The following CDH13 variants were observed in gnomAD, a reference collection of about 807,000 sequenced individuals.
The protein encoded by CDH13 is cadherin 13.
CDH13 carries 24 observed loss-of-function variants against 63.8 expected under a neutral mutation model. That is an observed-to-expected ratio of 0.38 (90% confidence interval 0.27 to 0.53). The LOEUF (loss-of-function observed/expected upper bound fraction) is 0.53. Ranked by LOEUF, CDH13 falls within the 20% of genes least tolerant of loss-of-function variation. CDH13 has a pLI of 0.85. For missense variants in CDH13, 1,049 were observed against 903.1 expected (o/e 1.16, Z -2.07); for synonymous variants, 503 against 355.3 (o/e 1.42, Z -4.67).
chr16:83,495,117 C>T (rs556167603), intron 7 of CDH13, among the ~76,000 whole-genome samples: 1 of 152,046 alleles, frequency 6.6e-6, no homozygotes, highest in Admixed American at 6.6e-5. Flanking sequence ...TCATTCTGAA[C>T]CAAATATGAG....
intron 1 of CDH13, among the ~76,000 whole-genome samples, chr16:82,733,185 T>G (rs2033490226): frequency 6.6e-6 from 1 of 152,218 alleles, no homozygotes; most frequent in African/African-American, 2.4e-5. Flanking sequence ...TCACATTGGC[T>G]GGCTTTACAT....
intron 5 of CDH13, among the ~76,000 whole-genome samples, chr16:83,287,843 G>C (rs1394847057): frequency 6.6e-6 from 1 of 152,144 alleles, no homozygotes; most frequent in East Asian, 1.9e-4. Context: ...CTCTGATCAA[G>C]AGTGATAGCA....
intron 7 of CDH13, among the ~76,000 whole-genome samples, chr16:83,554,046 G>A (rs2075558877): frequency 6.6e-6 from 1 of 152,152 alleles, no homozygotes; most frequent in South Asian, 2.1e-4. Flanking sequence ...GCCTAGGAAT[G>A]GAATTACTAG....
chr16:83,687,541 C>T (rs993766574), intron 10 of CDH13, among the ~76,000 whole-genome samples: 3 of 152,194 alleles, frequency 2.0e-5, no homozygotes, highest in African/African-American at 4.8e-5. Context: ...CTGATCCCAT[C>T]GCCTCCCACC....
At chr16:83,371,747 C>G (rs184777550) in intron 6 of CDH13, among the ~76,000 whole-genome samples, 248 of 152,260 alleles carry the variant, frequency 1.6e-3, no homozygotes, top group Admixed American at 5.2e-3. Context: ...AAAAGCAGAA[C>G]TTTAAAGACA....
At position 83,032,102 on chromosome 16, in the gene CDH13, C is replaced by A; in HGVS notation, c.250C>A (p.Leu84Met). ...GAACAGCGATGGCGGCTTAGTTGCTCTGAGAAACATAACTGCAGTGGGCAA... is the reference window on the plus strand; with the variant it reads ...GAACAGCGATGGCGGCTTAGTTGCTATGAGAAACATAACTGCAGTGGGCAA... ...KVNSDGGLVA[L>M]RNITAVGKTL... Residue 84 changes from leucine (L) to methionine (M), a missense_variant, in exon 3 of 14, where the codon CTG (leucine) becomes ATG (methionine). Physicochemically the swap from Leu to Met is conservative, Grantham distance 15. Transcript: ENST00000567109. 6.2e-7 allele frequency: 1 copy of A among 1,613,264 alleles called. No homozygotes were observed.
chr16:83,486,347 A>G (rs2073888659), intron 6 of CDH13, 130 bp from the exon 7 acceptor site: 1 of 641,018 alleles, frequency 1.6e-6, no homozygotes, highest in Non-Finnish European at 2.5e-6. Flanking sequence ...AGCTTGGGAA[A>G]TACTTTTCTT....
intron 1 of CDH13, among the ~76,000 whole-genome samples, chr16:82,699,765 G>C (rs981515233): frequency 6.6e-6 from 1 of 152,210 alleles, no homozygotes; most frequent in East Asian, 1.9e-4. Context: ...AACGTAACAG[G>C]ATATTAAGAT....
intron 6 of CDH13, among the ~76,000 whole-genome samples, chr16:83,409,597 T>A (rs2092097517): frequency 6.6e-6 from 1 of 152,220 alleles, no homozygotes; most frequent in Non-Finnish European, 1.5e-5. Flanking sequence ...TGTTGAGTAA[T>A]CTACCCATTG....
intron 6 of CDH13, among the ~76,000 whole-genome samples, chr16:83,481,797 G>A (rs572761348): frequency 6.6e-6 from 1 of 152,170 alleles, no homozygotes; most frequent in East Asian, 1.9e-4. Flanking sequence ...AGACAGAAAT[G>A]TACTGTGTGG....
At chr16:83,074,396 C>T (rs1354213301) in intron 3 of CDH13, among the ~76,000 whole-genome samples, 1 of 152,034 alleles carries the variant, frequency 6.6e-6, no homozygotes, top group Admixed American at 6.6e-5. Flanking sequence ...TCCATTTATC[C>T]ACTGATGGGC....
chr16:83,788,827 A>G (rs986810991), intron 13 of CDH13, among the ~76,000 whole-genome samples: 2 of 152,184 alleles, frequency 1.3e-5, no homozygotes, highest in African/African-American at 2.4e-5. Context: ...TGTAAAGTCG[A>G]AATTATTCCC....
intron 12 of CDH13, among the ~76,000 whole-genome samples, chr16:83,781,055 CA>C (rs1316769261): frequency 1.3e-5 from 2 of 151,966 alleles, no homozygotes; most frequent in Non-Finnish European, 2.9e-5. Flanking sequence ...GGTTTTTTTT[CA>C]AATCCTTGGC....
chr16:83,089,875 G>C (rs762703951), intron 3 of CDH13, among the ~76,000 whole-genome samples: 1 of 152,120 alleles, frequency 6.6e-6, no homozygotes, highest in Non-Finnish European at 1.5e-5. Flanking sequence ...CTGATTTCAA[G>C]TCTCTGGGAT....
intron 1 of CDH13, among the ~76,000 whole-genome samples, chr16:82,831,948 A>G (rs962226079): frequency 1.3e-5 from 2 of 152,236 alleles, no homozygotes; most frequent in African/African-American, 4.8e-5. Flanking sequence ...TTGAAAGAAT[A>G]AAACTCATTA....
At chr16:82,926,548 C>T (rs561157519) in intron 2 of CDH13, among the ~76,000 whole-genome samples, 2 of 152,192 alleles carry the variant, frequency 1.3e-5, no homozygotes, top group African/African-American at 4.8e-5. Flanking sequence ...TCTTGTTGAG[C>T]TTGATGGCAT....
intron 3 of CDH13, among the ~76,000 whole-genome samples, chr16:83,113,411 TATTTATTTC>T (rs753125683): frequency 6.2e-4 from 95 of 152,396 alleles, no homozygotes; most frequent in Non-Finnish European, 1.1e-3. Flanking sequence ...AATAACTCTA[TATTTATTTC>T]ATAATTGCTT....
intron 4 of CDH13, among the ~76,000 whole-genome samples, chr16:83,183,387 C>G (rs117147518): frequency 2.6e-5 from 4 of 152,298 alleles, no homozygotes; most frequent in Admixed American, 6.5e-5. Context: ...TCCACGCACA[C>G]GACGTGAAGC....
intron 1 of CDH13, 37 bp downstream of exon 1, chr16:82,627,174 C>G (rs1907381709): frequency 1.9e-6 from 3 of 1,556,724 alleles, no homozygotes; most frequent in East Asian, 4.6e-5. Flanking sequence ...CTCTGCGCCC[C>G]GTTTCTGCAT....
Sources: allele counts gnomAD v4.1 joint callset (sites outside exome capture counted in the v4.1 genomes callset), GRCh38; gene constraint gnomAD v4.1.1; transcripts MANE v1.5; gene names NCBI Gene and HGNC (gene_info 2026-07-23, HGNC 2026-07-21).